Variants in HERC3 observed in about 807,000 individuals in gnomAD.
HERC3 encodes the protein HECT and RLD domain containing E3 ubiquitin protein ligase 3, also known as probable E3 ubiquitin-protein ligase HERC3.
A neutral mutation model predicts 129.9 loss-of-function variants in HERC3; 58 were observed. The ratio of observed to expected loss-of-function variants is 0.45; its 90% CI spans 0.36 to 0.56. The LOEUF (loss-of-function observed/expected upper bound fraction) is 0.56, where lower values mean the gene tolerates loss of function less well. Ranked by LOEUF, HERC3 falls within the 20% of genes least tolerant of loss-of-function variation. The pLI is 0.00. For missense variants in HERC3, 835 were observed against 1,244.2 expected, an observed-to-expected ratio of 0.67 and a Z score of 4.95; for synonymous variants, 430 against 451.0, an observed-to-expected ratio of 0.95 and a Z score of 0.59.
intron 25 of HERC3, among the ~76,000 whole-genome samples, chr4:88,706,497 C>T (rs1157182283): frequency 6.6e-6 from 1 of 152,156 alleles, no homozygotes; most frequent in Non-Finnish European, 1.5e-5. Flanking sequence ...CTCCTCTTTT[C>T]CTATGACAGC....
chr4:88,625,769 T>C (rs1368814339), intron 3 of HERC3, among the ~76,000 whole-genome samples: 1 of 152,186 alleles, frequency 6.6e-6, no homozygotes, highest in Non-Finnish European at 1.5e-5. Context: ...CCATTAAGTG[T>C]GATGTTAACA....
chr4:88,653,171 C>T, intron 6 of HERC3, 81 bp downstream of exon 6: 1 of 1,355,548 alleles, frequency 7.4e-7, no homozygotes. Context: ...CTACTATGTG[C>T]TAGCCCCATG....
chr4:88,667,349 A>T, intron 12 of HERC3, 28 bp from the exon 13 acceptor site: 1 of 1,266,704 alleles, frequency 7.9e-7, no homozygotes, highest in South Asian at 1.3e-5. Flanking sequence ...TTCTTTTATT[A>T]TATACCTTTT....
chr4:88,682,809 A>G (rs1199931648), intron 21 of HERC3, among the ~76,000 whole-genome samples: 1 of 152,048 alleles, frequency 6.6e-6, no homozygotes, highest in Non-Finnish European at 1.5e-5. Flanking sequence ...TTATAGCAGC[A>G]TGATTTATAA....
At chr4:88,573,651 G>A in the HERC3 span, among the ~76,000 whole-genome samples, 1 of 152,108 alleles carries the variant, frequency 6.6e-6, no homozygotes, top group Non-Finnish European at 1.5e-5. Context: ...GGTCCCAAAG[G>A]AGATTCCCAT....
At chr4:88,534,222 C>G in the HERC3 span, among the ~76,000 whole-genome samples, 1 of 152,340 alleles carries the variant, frequency 6.6e-6, no homozygotes, top group East Asian at 1.9e-4. Context: ...CTCCAGAACA[C>G]TGGTTTTTCA....
intron 9 of HERC3, chr4:88,656,977 G>A (rs1729970634): frequency 1.3e-5 from 2 of 152,070 alleles, no homozygotes; most frequent in Non-Finnish European, 2.9e-5. Context: ...AACATGATGT[G>A]ATTTCTTTTT....
chr4:88,632,775 A>G lies in HERC3; in HGVS notation c.227-17065A>G, dbSNP rs572003062. Among the ~76,000 whole-genome samples, 41 of 152,366 alleles carry G rather than the reference A, an allele frequency of 2.7e-4. 1 individual carries two copies. In the South Asian group the frequency reaches 8.1e-3, roughly 30 times the overall value. ...CAGAGTTTCAGGGACCTGTGGAATG[A>G]GAACAAAAAGTCTAATATGTCTTTA... On this transcript the variant is annotated intron_variant, in intron 3 of 25. Coordinates refer to ENST00000402738, the MANE Select transcript of HERC3 (RefSeq NM_014606.3).
At chr4:88,590,043 A>C (rs1399447612), upstream of HERC3, among the ~76,000 whole-genome samples, 2 of 145,822 alleles carry the variant, frequency 1.4e-5, no homozygotes, top group East Asian at 2.1e-4. Context: ...CGAGGTGGGC[A>C]GATGATTTGA....
In HERC3 at chr4:88,678,146, C is replaced by G. The variant is rs1560753043; in HGVS notation, c.2196+12C>G. 6.2e-7 allele frequency: 1 copy of G among 1,611,466 alleles called. No individual in the cohort carries two copies. The highest frequency in any genetic ancestry group is 8.5e-7 in the Non-Finnish European group (1 of 1,178,784). On this transcript the variant is annotated intron_variant, in intron 19 of 25. Coordinates refer to ENST00000402738, the MANE Select transcript of HERC3 (RefSeq NM_014606.3). ...AAAAGCCTCTCAAAGTGAGTTCCTT[C>G]AGGATATTCCTCTAAATACCTTCGC... is the stretch of plus-strand genomic sequence containing the variant.
At chr4:88,541,724 A>C in the HERC3 span, among the ~76,000 whole-genome samples, 1 of 152,224 alleles carries the variant, frequency 6.6e-6, no homozygotes, top group Admixed American at 6.5e-5. Flanking sequence ...AAAGTAAAAG[A>C]ACAGAAATCA....
At chr4:88,671,599 C>T (rs931841695) in intron 16 of HERC3, among the ~76,000 whole-genome samples, 2 of 152,180 alleles carry the variant, frequency 1.3e-5, no homozygotes, top group Admixed American at 6.5e-5. Flanking sequence ...TCTTGGCTCA[C>T]TGCAACCTCT....
chr4:88,667,408 A>C lies in HERC3; in HGVS notation c.1363A>C (p.Ile455Leu). 6.2e-7 allele frequency: 1 copy of C among 1,605,964 alleles called. No homozygotes were observed. The highest frequency in any genetic ancestry group is 8.5e-7 in the Non-Finnish European group (1 of 1,176,476). ...IDEHFKTSPKIPGIDLNSTRV... is the reference protein window; with the variant it reads ...IDEHFKTSPKLPGIDLNSTRV... ...TGAACATTTTAAAACGAGTCCCAAA[A>C]TCCCTGGGATTGACCTGAACTCAAC... is the stretch of plus-strand genomic sequence containing the variant. The change falls in exon 13 of 26, where the codon ATC becomes CTC. Residue 455 changes from isoleucine to leucine, a missense_variant. Coordinates refer to ENST00000402738, the MANE Select transcript of HERC3 (RefSeq NM_014606.3).
chr4:88,684,264 C>T (rs566829318), intron 21 of HERC3, among the ~76,000 whole-genome samples: 1 of 152,276 alleles, frequency 6.6e-6, no homozygotes, highest in Non-Finnish European at 1.5e-5. Context: ...GGTACCAAAA[C>T]AGATATATAG....
intron 3 of HERC3, among the ~76,000 whole-genome samples, chr4:88,632,241 A>G (rs1266585082): frequency 6.6e-6 from 1 of 152,228 alleles, no homozygotes; most frequent in Non-Finnish European, 1.5e-5. Context: ...GAACTAATAG[A>G]TAACCACTCA....
At chr4:88,662,062 C>T (rs1045377407) in intron 10 of HERC3, among the ~76,000 whole-genome samples, 5 of 152,104 alleles carry the variant, frequency 3.3e-5, no homozygotes, top group African/African-American at 4.8e-5. Flanking sequence ...GGCAGGATTG[C>T]GCAGAGGGAG....
At chr4:88,611,897 G>A (rs1356350716) in intron 3 of HERC3, among the ~76,000 whole-genome samples, 3 of 152,168 alleles carry the variant, frequency 2.0e-5, no homozygotes, top group Non-Finnish European at 4.4e-5. Context: ...CTGTTAAAAT[G>A]CAAACAACCC....
the HERC3 span, chr4:88,527,811 C>A: frequency 3.0e-6 from 1 of 330,710 alleles, no homozygotes; most frequent in South Asian, 2.8e-5. Flanking sequence ...TCTTGGCCAT[C>A]CTGCACTTTG....
chr4:88,695,546 G>A (rs1408582659), intron 23 of HERC3, among the ~76,000 whole-genome samples: 1 of 152,042 alleles, frequency 6.6e-6, no homozygotes, highest in Non-Finnish European at 1.5e-5. Context: ...TGAATTAAAG[G>A]CCACATTCTT....
Sources: gnomAD v4.1 joint callset for allele counts (sites outside exome capture counted in the v4.1 genomes callset) on GRCh38, gnomAD v4.1.1 for gene constraint, MANE v1.5 for transcripts, NCBI Gene and HGNC (gene_info 2026-07-23, HGNC 2026-07-21) for gene names.